ACO1: variants seen among roughly 807,000 people sequenced by gnomAD.
The protein encoded by ACO1 is cytoplasmic aconitate hydratase.
Under a neutral mutation model 105.1 loss-of-function variants are expected in ACO1, and 78 were observed. That is an observed-to-expected ratio of 0.74 (90% CI 0.62 to 0.90). The LOEUF (loss-of-function observed/expected upper bound fraction) is 0.90. Ranked by LOEUF, ACO1 falls within the 40% of genes least tolerant of loss-of-function variation. The pLI, the probability that ACO1 is intolerant of heterozygous loss-of-function variation, is 0.00. For missense variants in ACO1, 965 were observed against 1,111.1 expected (o/e 0.87, Z 1.87); for synonymous variants, 364 against 397.4 (o/e 0.92, Z 1.00).
At chr9:32,440,611 G>T in intron 19 of ACO1, 24 bp downstream of exon 19, 1 of 1,611,196 alleles carries the variant, frequency 6.2e-7, no homozygotes, top group Non-Finnish European at 8.5e-7. Context: ...AGACATCCTA[G>T]GAGGCAGCTC....
At chr9:32,408,694 A>G in intron 4 of ACO1, 43 bp downstream of exon 4, 3 of 1,594,408 alleles carry the variant, frequency 1.9e-6, no homozygotes, top group Non-Finnish European at 2.6e-6. Context: ...GCTTTGTGCA[A>G]AATCTTTGAA....
intron 1 of ACO1, among the ~76,000 whole-genome samples, chr9:32,393,417 C>T (rs4324989): frequency 0.01 from 1,559 of 152,230 alleles, 16 homozygotes; most frequent in Middle Eastern, 0.024. Context: ...TTGGTCAGAC[C>T]GGTTGTCTGC....
intron 18 of ACO1, among the ~76,000 whole-genome samples, chr9:32,438,466 C>T (rs559046071): frequency 6.6e-6 from 1 of 152,180 alleles, no homozygotes; most frequent in South Asian, 2.1e-4. Flanking sequence ...AGCAGTCAGC[C>T]CAAGTTGGAA....
Position 32,418,335 on chromosome 9 carries a change from C to T in ACO1, c.482C>T (p.Ser161Phe). The change falls in exon 6 of 21, where the codon TCC (serine) becomes TTC (phenylalanine). Residue 161 changes from serine to phenylalanine, a missense_variant. Coordinates refer to ENST00000309951, the MANE Select transcript of ACO1 (RefSeq NM_002197.3). ...RERFEFLKWG[S>F]QAFHNMRIIP... The stretch of plus-strand genomic sequence containing the variant: ...TCCATTTGTCAATCCCAGTGGGGTT[C>T]CCAGGCTTTTCACAACATGCGGATT... 6.2e-7 allele frequency: 1 copy of T among 1,614,058 alleles called. No homozygotes were observed. Among genetic ancestry groups the T allele is most frequent in the Non-Finnish European group, 8.5e-7 (1 of 1,179,992 alleles).
rs1274037116 is a variant in ACO1, at chr9:32,418,061, A to G, written c.405-67A>G. 7 of 1,430,574 alleles carry G rather than the reference A, an allele frequency of 4.9e-6. No homozygotes were observed. The Admixed American group carries it at 1.3e-4, about 26-fold the overall frequency. 88.6% of individuals were successfully genotyped at this position (1,430,574 alleles called of 1,614,324 possible). A position where few individuals can be genotyped will look rare whatever the true frequency, so the allele number is the denominator to read the frequency against. Reference sequence around the variant, plus strand: ...TGCAATTCCATTTTGTTTCTTCATCACCAATAAATTTGACCACTAATATGT... The same window carrying G: ...TGCAATTCCATTTTGTTTCTTCATCGCCAATAAATTTGACCACTAATATGT... On this transcript the variant is annotated intron_variant, in intron 4 of 20. Transcript: ENST00000309951.
intron 18 of ACO1, among the ~76,000 whole-genome samples, chr9:32,438,395 C>A (rs753912664): frequency 1.3e-5 from 2 of 152,116 alleles, no homozygotes; most frequent in Non-Finnish European, 2.9e-5. Flanking sequence ...TGAAGGGAAT[C>A]CCCAGGATGC....
intron 1 of ACO1, among the ~76,000 whole-genome samples, chr9:32,396,761 A>G (rs991843812): frequency 1.7e-4 from 26 of 152,340 alleles, no homozygotes; most frequent in South Asian, 6.2e-4. Flanking sequence ...CTATGAGGGC[A>G]GGGACTCTGT....
chr9:32,423,766 G>C (rs1822027848), intron 9 of ACO1, among the ~76,000 whole-genome samples: 1 of 152,176 alleles, frequency 6.6e-6, no homozygotes, highest in Admixed American at 6.5e-5. Flanking sequence ...AAGGGTGGGA[G>C]GGAGGTGAAG....
chr9:32,413,601 A>G (rs1321467852), intron 4 of ACO1, among the ~76,000 whole-genome samples: 4 of 152,060 alleles, frequency 2.6e-5, no homozygotes, highest in Admixed American at 2.6e-4. Context: ...TTTTGTAAGG[A>G]ATTAAATGTG....
At position 32,449,090 on chromosome 9, in the gene ACO1, G is replaced by C; in HGVS notation, c.2556+9G>C. The stretch of plus-strand genomic sequence containing the variant: ...TGAAAGTCCAGGTCAAGGTAAGCTG[G>C]AGCCTCTCTATGCCAGGCCCTGTCG... On this transcript the variant is annotated intron_variant, in intron 20 of 20. Coordinates refer to ENST00000309951, the MANE Select transcript of ACO1 (RefSeq NM_002197.3). 6.3e-7 allele frequency: 1 copy of C among 1,594,734 alleles called. No individual in the cohort carries two copies. Among genetic ancestry groups the C allele is most frequent in the Non-Finnish European group, 8.6e-7 (1 of 1,169,286 alleles).
At chr9:32,432,378 C>T (rs1450637271) in intron 15 of ACO1, among the ~76,000 whole-genome samples, 1 of 152,162 alleles carries the variant, frequency 6.6e-6, no homozygotes, top group Non-Finnish European at 1.5e-5. Context: ...ATTCCTTTCC[C>T]CGCCTTCTGC....
chr9:32,405,461 T>G (rs1393810487), intron 1 of ACO1, 24 bp from the exon 2 acceptor site: 1 of 1,425,102 alleles, frequency 7.0e-7, no homozygotes, highest in South Asian at 1.2e-5. Context: ...AAAAAAGAAT[T>G]TAAATGTTCT....
At position 32,407,243 on chromosome 9, in the gene ACO1, G is replaced by C. The variant is rs1387921868; in HGVS notation, c.98-18G>C. The C allele has an allele frequency of 1.2e-6, 2 of 1,611,526 alleles. No individual in the cohort carries two copies. Among genetic ancestry groups the C allele is most frequent in the Admixed American group, 3.3e-5 (2 of 59,716 alleles). ...TTGTCTCACAGGTTTTGTTTATTTT[G>C]TCATCCTTAACTCTTAGGGCGCTTA... On this transcript the variant is annotated intron_variant, in intron 2 of 20. Coordinates refer to ENST00000309951, the MANE Select transcript of ACO1 (RefSeq NM_002197.3).
At chr9:32,384,856 G>T in intron 1 of ACO1, 121 bp downstream of exon 1, 1 of 242,770 alleles carries the variant, frequency 4.1e-6, no homozygotes, top group South Asian at 3.1e-5. Context: ...CGGGGGACAC[G>T]GAGGCGAGCT....
chr9:32,400,587 T>G (rs1239366313), intron 1 of ACO1, among the ~76,000 whole-genome samples: 1 of 152,204 alleles, frequency 6.6e-6, no homozygotes, highest in East Asian at 1.9e-4. Flanking sequence ...CACCAGTCAT[T>G]ATTAAAGAAA....
intron 1 of ACO1, among the ~76,000 whole-genome samples, chr9:32,399,695 T>G (rs1821446190): frequency 6.6e-6 from 1 of 152,218 alleles, no homozygotes; most frequent in Non-Finnish European, 1.5e-5. Flanking sequence ...GGATAGATTT[T>G]TATGGTATAG....
At chr9:32,448,194 A>G (rs949087400) in intron 19 of ACO1, among the ~76,000 whole-genome samples, 10 of 152,160 alleles carry the variant, frequency 6.6e-5, no homozygotes, top group African/African-American at 1.4e-4. Context: ...GGTGTTATCT[A>G]TAAGTACCTG....
chr9:32,411,556 G>T (rs1205358319), intron 4 of ACO1, among the ~76,000 whole-genome samples: 1 of 151,988 alleles, frequency 6.6e-6, no homozygotes, highest in African/African-American at 2.4e-5. Context: ...AAAATAATAG[G>T]TCCCTGAAGA....
rs752903469 is a variant in ACO1, at chr9:32,426,044, G to A, written c.1348+47G>A. The A allele has an allele frequency of 2.5e-6, 4 of 1,588,858 alleles. No homozygotes were observed. In the Admixed American group the frequency reaches 6.9e-5, roughly 28 times the overall value. On this transcript the variant is annotated intron_variant, in intron 11 of 20. Transcript: ENST00000309951. ...CTCATGGTCATACATGTGTGTAGGT[G>A]GAAATAGCCCGAGACAGGGCCCAGG...
Sources: gnomAD v4.1 joint callset for allele counts (sites outside exome capture counted in the v4.1 genomes callset) on GRCh38, gnomAD v4.1.1 for gene constraint, MANE v1.5 for transcripts, NCBI Gene and HGNC (gene_info 2026-07-23, HGNC 2026-07-21) for gene names.